Variants in ATG13 observed in about 807,000 individuals in gnomAD.
The protein encoded by ATG13 is autophagy related 13.
In ATG13, 23 loss-of-function variants were observed where a neutral mutation model predicts 65.5. The observed-to-expected ratio is 0.35, with a 90% CI of 0.25 to 0.50. ATG13 has a LOEUF of 0.50. Among genes scored for constraint, ATG13 ranks in the 20% least tolerant of loss-of-function variants. The pLI is 0.98. For synonymous variants in ATG13, 252 were observed against 245.2 expected (o/e 1.03, Z -0.26); for missense variants, 566 against 677.0 (o/e 0.84, Z 1.82).
rs1399828243 is a variant in ATG13 at position 46,664,043 on chromosome 11, T to A, written c.836T>A (p.Val279Glu). 1 of 1,597,920 alleles carries A rather than the reference T, an allele frequency of 6.3e-7. No homozygotes were observed. Among genetic ancestry groups the A allele is most frequent in the South Asian group, 1.1e-5 (1 of 91,040 alleles). The change falls in exon 12 of 19, where the codon GTG becomes GAG. Residue 279 changes from valine to glutamate, a missense_variant. Val to Glu is a moderately radical substitution (Grantham distance 121). This residue lies in a region of ATG13 where 387 missense variants were observed against 409.8 expected (regional missense o/e 0.94). Transcript: ENST00000683050. ...GCACATTTTCAGACCCCTACTCCTG[T>A]GGTGACGGACACCCTGAGGGTCCCC... ...TKAHFQTPTP[V>E]VTDTLRVPMA...
intron 18 of ATG13, 98 bp from the exon 19 acceptor site, chr11:46,672,157 C>G: frequency 1.3e-6 from 2 of 1,581,982 alleles, no homozygotes; most frequent in Non-Finnish European, 1.7e-6. Context: ...TAGGGCTGAG[C>G]TTCGTCTTGC....
rs537547067 is a variant in ATG13 at position 46,670,031 on chromosome 11, G to C, written c.1575+499G>C. On this transcript the variant is annotated intron_variant, in intron 18 of 18. Transcript: ENST00000683050. ...TAGGGCATTTCCTCTTCCTGCCTCT[G>C]AGGGGCAGAAGAGTGCCCCGCACAA... Among the ~76,000 whole-genome samples the C allele has an allele frequency of 1.5e-3, 229 of 152,222 alleles. 3 individuals are homozygous for C. Among genetic ancestry groups the C allele is most frequent in the Middle Eastern group, 3.4e-3 (1 of 294 alleles).
chr11:46,661,136 C>T (rs1439118716), intron 11 of ATG13, among the ~76,000 whole-genome samples: 1 of 152,200 alleles, frequency 6.6e-6, no homozygotes, highest in Non-Finnish European at 1.5e-5. Flanking sequence ...AACCATCCTC[C>T]CACCTCAGTC....
chr11:46,652,034 G>A (rs1374228465), intron 7 of ATG13, among the ~76,000 whole-genome samples: 1 of 152,040 alleles, frequency 6.6e-6, no homozygotes, highest in Non-Finnish European at 1.5e-5. Context: ...GGTCACTTGA[G>A]GTTAGGAGTT....
Position 46,617,685 on chromosome 11 carries a change from G to A in ATG13, c.-275G>A. 2.5e-6 allele frequency: 1 copy of A among 396,716 alleles called. No homozygotes were observed. Among genetic ancestry groups the A allele is most frequent in the Non-Finnish European group, 4.4e-6 (1 of 225,190 alleles). 24.6% of individuals were successfully genotyped at this position (396,716 alleles called of 1,614,324 possible). On this transcript the variant is annotated 5_prime_UTR_variant, in exon 1 of 19. Transcript: ENST00000683050. ...CTGAAGAGCGCCAGTCGACGTGGGT[G>A]CGACAACTCGCGGAGTCTTAGGAGC...
chr11:46,659,359 A>G (rs1482219338), intron 10 of ATG13, 33 bp from the exon 11 acceptor site: 2 of 1,558,306 alleles, frequency 1.3e-6, no homozygotes, highest in East Asian at 2.2e-5. Context: ...TGCCACCACC[A>G]TAAAATTCAT....
At chr11:46,648,487 A>G (rs966403949) in intron 5 of ATG13, among the ~76,000 whole-genome samples, 2 of 152,018 alleles carry the variant, frequency 1.3e-5, no homozygotes, top group African/African-American at 4.8e-5. Flanking sequence ...AAGAATAAAG[A>G]AACAACCTTG....
intron 2 of ATG13, among the ~76,000 whole-genome samples, chr11:46,640,674 A>G (rs2055671373): frequency 6.6e-6 from 1 of 152,214 alleles, no homozygotes; most frequent in African/African-American, 2.4e-5. Context: ...AAAAAATACA[A>G]CAATAAGATA....
At chr11:46,648,978 G>C (rs1477576081) in intron 5 of ATG13, 159 bp from the exon 6 acceptor site, 10 of 537,682 alleles carry the variant, frequency 1.9e-5, no homozygotes, top group African/African-American at 1.7e-4. Flanking sequence ...TATAGACTGT[G>C]ATTGCCCTTT....
chr11:46,645,815 T>A, intron 4 of ATG13, 55 bp from the exon 5 acceptor site: 1 of 1,608,604 alleles, frequency 6.2e-7, no homozygotes, highest in South Asian at 1.1e-5. Context: ...CACTAATTTC[T>A]TTTTCCATAA....
chr11:46,668,859 C>T lies in ATG13; in HGVS notation c.1395C>T (p.Ser465=). The change falls in exon 17 of 19, where the codon TCC becomes TCT. Residue 465 remains serine, a synonymous_variant. Coordinates refer to ENST00000683050, the MANE Select transcript of ATG13 (RefSeq NM_001346311.2). The part of the protein sequence containing the change: ...PLQGSLHSDG[S]SGGSSGNTHD... ...AGGGCAGCCTGCACTCAGATGGCTC[C>T]AGCGGGGGCAGCAGTGGCAATACCC... 1 of 1,614,046 alleles carries T rather than the reference C, an allele frequency of 6.2e-7. No individual in the cohort carries two copies. The highest frequency in any genetic ancestry group is 8.5e-7 in the Non-Finnish European group (1 of 1,180,012).
chr11:46,659,621 A>C, intron 11 of ATG13, 136 bp downstream of exon 11: 1 of 636,926 alleles, frequency 1.6e-6, no homozygotes, highest in Non-Finnish European at 2.7e-6. Context: ...TTGAGGGGTA[A>C]GAGAGAGCCT....
At chr11:46,630,336 C>T (rs2051246654) in intron 2 of ATG13, among the ~76,000 whole-genome samples, 1 of 152,138 alleles carries the variant, frequency 6.6e-6, no homozygotes, top group Non-Finnish European at 1.5e-5. Context: ...GAACCAAGAA[C>T]CCTGTAATGG....
Position 46,669,475 on chromosome 11 carries a change from A to T in ATG13, c.1518A>T (p.Pro506=), listed in dbSNP as rs749334400. The part of the protein sequence containing the change: ...LGTFYREFQN[P]PQLSSLSIDI... The stretch of plus-strand genomic sequence containing the variant: ...CCTTCTATCGGGAGTTTCAGAACCC[A>T]CCTCAGCTGAGCAGCCTCTCCATAG... The change falls in exon 18 of 19, where the codon CCA becomes CCT. Residue 506 remains proline (P), a synonymous_variant. Coordinates refer to ENST00000683050, the MANE Select transcript of ATG13 (RefSeq NM_001346311.2). 2 of 1,614,078 alleles carry T rather than the reference A, an allele frequency of 1.2e-6. No individual in the cohort carries two copies. The highest frequency in any genetic ancestry group is 1.7e-6 in the Non-Finnish European group (2 of 1,179,996).
chr11:46,623,039 A>C (rs1191439282), intron 1 of ATG13, among the ~76,000 whole-genome samples: 1 of 152,146 alleles, frequency 6.6e-6, no homozygotes, highest in Non-Finnish European at 1.5e-5. Flanking sequence ...TCATGCCTGT[A>C]ATCCCAGCAC....
intron 2 of ATG13, among the ~76,000 whole-genome samples, chr11:46,643,966 AAAT>A (rs1307099011): frequency 1.6e-4 from 24 of 152,344 alleles, no homozygotes; most frequent in African/African-American, 5.3e-4. Flanking sequence ...TGTCTCATTA[AAAT>A]TTAGTCCTGA....
chr11:46,635,456 A>G (rs929497824), intron 2 of ATG13, among the ~76,000 whole-genome samples: 4 of 152,220 alleles, frequency 2.6e-5, no homozygotes, highest in African/African-American at 7.2e-5. Context: ...AACCTGGCCA[A>G]CATAGAGAGA....
intron 5 of ATG13, 194 bp from the exon 6 acceptor site, chr11:46,648,943 G>GA (rs1451020477): frequency 2.4e-6 from 1 of 420,228 alleles, no homozygotes; most frequent in East Asian, 3.6e-5. Flanking sequence ...TATTTATTAA[G>GA]AAAAAACAAG....
At chr11:46,652,048 G>A (rs1191539543) in intron 7 of ATG13, among the ~76,000 whole-genome samples, 1 of 152,002 alleles carries the variant, frequency 6.6e-6, no homozygotes, top group African/African-American at 2.4e-5. Flanking sequence ...AGGAGTTCGA[G>A]ACAAGCCTGA....
Sources: gnomAD v4.1 joint callset for allele counts (sites outside exome capture counted in the v4.1 genomes callset) on GRCh38, gnomAD v4.1.1 for gene constraint, gnomAD v4.1.1 regional missense constraint, MANE v1.5 for transcripts, NCBI Gene and HGNC (gene_info 2026-07-23, HGNC 2026-07-21) for gene names.